OPHN1: variants seen among roughly 807,000 people sequenced by gnomAD.
The protein encoded by OPHN1 is oligophrenin-1.
OPHN1 carries 11 observed loss-of-function variants against 60.7 expected under a neutral mutation model. That is an observed-to-expected ratio of 0.18 (90% CI 0.11 to 0.30). OPHN1 has a LOEUF of 0.30. Ranked by LOEUF, OPHN1 falls within the 10% of genes least tolerant of loss-of-function variation. The pLI, the probability that OPHN1 is intolerant of heterozygous loss-of-function variation, is 1.00. For missense variants in OPHN1, 449 were observed against 611.0 expected (o/e 0.73, Z 2.80); for synonymous variants, 226 against 222.6 (o/e 1.02, Z -0.14).
chrX:68,312,252 A>ATT (rs1238021221), intron 2 of OPHN1, among the ~76,000 whole-genome samples: 457 of 69,592 alleles, frequency 6.6e-3, no homozygotes, highest in African/African-American at 0.013. Context: ...GGCTCGGCTA[A>ATT]TTTTTTTTTT....
intron 20 of OPHN1, chrX:68,070,451 C>T (rs1458060586): frequency 1.3e-5 from 7 of 557,147 alleles, no homozygotes; most frequent in Non-Finnish European, 2.3e-5. Context: ...TAGCTAATGC[C>T]AAGTGGAGAT....
At chrX:68,061,850 A>G in intron 21 of OPHN1, among the ~76,000 whole-genome samples, 1 of 110,724 alleles carries the variant, frequency 9.0e-6, no homozygotes, top group East Asian at 2.8e-4. Context: ...ATTGTACTGG[A>G]CCCCCTCCCA....
intron 5 of OPHN1, among the ~76,000 whole-genome samples, chrX:68,269,279 A>C (rs1602286105): frequency 8.9e-6 from 1 of 111,767 alleles, no homozygotes; most frequent in Admixed American, 9.5e-5. Flanking sequence ...CACATCGCCA[A>C]GTCAATCCTA....
chrX:68,190,273 C>G (rs1040807233), intron 15 of OPHN1, among the ~76,000 whole-genome samples: 3 of 112,108 alleles, frequency 2.7e-5, no homozygotes, highest in African/African-American at 9.7e-5. Context: ...AGGTGGAAAA[C>G]ACAGGGAATA....
chrX:68,370,958 G>A (rs1044851947), intron 2 of OPHN1, among the ~76,000 whole-genome samples: 1 of 111,527 alleles, frequency 9.0e-6, no homozygotes, highest in Non-Finnish European at 1.9e-5. Context: ...AAATGAGGAT[G>A]TAAAAGTTAA....
At chrX:68,094,684 G>A (rs1357634849) in intron 19 of OPHN1, among the ~76,000 whole-genome samples, 1 of 110,766 alleles carries the variant, frequency 9.0e-6, no homozygotes, top group South Asian at 3.8e-4. Flanking sequence ...ATCTTACCCA[G>A]GCAGAGCAAA....
At chrX:68,147,268 C>A (rs2077267785) in intron 15 of OPHN1, among the ~76,000 whole-genome samples, 1 of 111,660 alleles carries the variant, frequency 9.0e-6, no homozygotes, top group Non-Finnish European at 1.9e-5. Context: ...CCAAGGATAA[C>A]CTTAGTGAAG....
intron 5 of OPHN1, among the ~76,000 whole-genome samples, chrX:68,254,377 C>A (rs186999416): frequency 7.2e-5 from 8 of 111,300 alleles, no homozygotes; most frequent in African/African-American, 2.6e-4. Flanking sequence ...CAGTATTTTT[C>A]TCTTTCCTGC....
intron 4 of OPHN1, among the ~76,000 whole-genome samples, chrX:68,280,508 G>A (rs1228098593): frequency 1.8e-5 from 2 of 111,592 alleles, no homozygotes; most frequent in Non-Finnish European, 3.8e-5. Context: ...TCTATGAGCA[G>A]TATTTTGAGA....
chrX:68,374,737 T>A (rs1478920497), intron 2 of OPHN1, among the ~76,000 whole-genome samples: 1 of 112,547 alleles, frequency 8.9e-6, no homozygotes, highest in Non-Finnish European at 1.9e-5. Context: ...CTAAACTTTA[T>A]TATTTTGTTA....
chrX:68,279,849 A>T (rs1373591408), intron 4 of OPHN1, among the ~76,000 whole-genome samples: 1 of 112,119 alleles, frequency 8.9e-6, no homozygotes, highest in Non-Finnish European at 1.9e-5. Context: ...TGAGTCAGTC[A>T]TGTGGCAAAG....
chrX:68,287,200 GAGGAGA>G (rs2078047605), intron 3 of OPHN1, among the ~76,000 whole-genome samples: 1 of 69,051 alleles, frequency 1.4e-5, no homozygotes, highest in Admixed American at 1.4e-4. Context: ...GGGAGGGAGG[GAGGAGA>G]AGGGGAAGGG....
chrX:68,266,898 C>A (rs2077932384), intron 5 of OPHN1, among the ~76,000 whole-genome samples: 1 of 111,289 alleles, frequency 9.0e-6, no homozygotes, highest in Non-Finnish European at 1.9e-5. Flanking sequence ...ATAAAACAGA[C>A]TTTAAACCAA....
intron 15 of OPHN1, among the ~76,000 whole-genome samples, chrX:68,173,959 T>C (rs2077402615): frequency 8.9e-6 from 1 of 112,004 alleles, no homozygotes; most frequent in South Asian, 3.7e-4. Context: ...TGATGGGAAG[T>C]GTCAAAAAAG....
intron 2 of OPHN1, among the ~76,000 whole-genome samples, chrX:68,339,706 G>A (rs2078342113): frequency 9.0e-6 from 1 of 111,675 alleles, no homozygotes; most frequent in Non-Finnish European, 1.9e-5. Context: ...AGGTTCAAGT[G>A]ATTCTCGTGC....
intron 15 of OPHN1, among the ~76,000 whole-genome samples, chrX:68,157,449 C>T (rs1466876301): frequency 2.7e-5 from 3 of 111,701 alleles, no homozygotes; most frequent in Non-Finnish European, 5.6e-5. Context: ...CAGCTGGAGG[C>T]CATAATTTTA....
At position 68,288,749 on chromosome X, in the gene OPHN1, A is replaced by C. The variant is rs1379350230; in HGVS notation, c.251-5632T>G. Among the ~76,000 whole-genome samples the C allele has an allele frequency of 2.4e-4, 27 of 111,202 alleles. 1 individual carries two copies. The Admixed American group carries it at 2.6e-3, about 11-fold the overall frequency. Reference sequence around the variant, plus strand: ...ACTGCACTCCAGCCTGGGGGACAAGAGTGAAACTTCATCTCAAAAAGAAAA... The same window carrying C: ...ACTGCACTCCAGCCTGGGGGACAAGCGTGAAACTTCATCTCAAAAAGAAAA... On this transcript the variant is annotated intron_variant, in intron 3 of 24. Coordinates refer to ENST00000355520, the MANE Select transcript of OPHN1 (RefSeq NM_002547.3).
chrX:68,397,308 C>A (rs185612664), intron 2 of OPHN1, among the ~76,000 whole-genome samples: 95 of 110,771 alleles, frequency 8.6e-4, no homozygotes, highest in African/African-American at 2.9e-3. Context: ...ACAAAACAGG[C>A]CTTCTCAGTG....
chrX:68,059,506 C>T (rs764950738), intron 21 of OPHN1, among the ~76,000 whole-genome samples: 15 of 111,598 alleles, frequency 1.3e-4, no homozygotes, highest in East Asian at 8.4e-4. Context: ...AACAATTTGG[C>T]GTTAGGCTCC....
Sources: gnomAD v4.1 joint callset for allele counts (sites outside exome capture counted in the v4.1 genomes callset) on GRCh38, gnomAD v4.1.1 for gene constraint, MANE v1.5 for transcripts, NCBI Gene and HGNC (gene_info 2026-07-23, HGNC 2026-07-21) for gene names.